The following ROS1 variants were observed in gnomAD, a reference collection of about 807,000 sequenced individuals.
ROS1 encodes proto-oncogene tyrosine-protein kinase ROS.
ROS1 carries 263 observed loss-of-function variants against 273.5 expected under a neutral mutation model. The observed-to-expected ratio is 0.96, with a 90% CI of 0.87 to 1.06. The LOEUF (loss-of-function observed/expected upper bound fraction) is 1.06, where lower values mean the gene tolerates loss of function less well. ROS1 is among the 50% of genes least tolerant of loss of function. The probability of loss-of-function intolerance (pLI) is 0.00; values close to 1 mark genes in which losing one functional copy is unlikely to be tolerated. For synonymous variants in ROS1, 1,008 were observed against 954.1 expected (o/e 1.06, Z -1.04); for missense variants, 2,833 against 2,751.1 (o/e 1.03, Z -0.67).
At chr6:117,366,972 T>C (rs2128663945) in intron 18 of ROS1, among the ~76,000 whole-genome samples, 1 of 152,360 alleles carries the variant, frequency 6.6e-6, no homozygotes, top group East Asian at 1.9e-4. Context: ...TGGTTTATTC[T>C]ATGTGCTCCT....
chr6:117,388,148 G>A, intron 13 of ROS1, 156 bp from the exon 14 acceptor site: 6 of 1,169,426 alleles, frequency 5.1e-6, no homozygotes, highest in Non-Finnish European at 7.3e-6. Flanking sequence ...ATCATTTGTT[G>A]ATGAGGCTAG....
rs946087445 is a variant in ROS1, at chr6:117,366,382, A to G, written c.2583-92T>C. On this transcript the variant is annotated intron_variant, in intron 18 of 43. Transcript: ENST00000368507. The stretch of plus-strand genomic sequence containing the variant: ...GTCATGAGAATATATGTTTGTGAGT[A>G]TCTGTACGCATTTGTGTACATTAAA... The G allele has an allele frequency of 8.5e-6, 7 of 824,856 alleles. No homozygotes were observed. The African/African-American group carries it at 1.0e-4, about 12-fold the overall frequency. 51.1% of individuals were successfully genotyped at this position (824,856 alleles called of 1,614,324 possible).
At position 117,387,832 on chromosome 6, in the gene ROS1, T is replaced by G. The variant is rs1014338122; in HGVS notation, c.1947A>C (p.Pro649=). ...KYKVSVRASS[P]KRPGPWSEPS... Reference sequence around the variant, plus strand: ...GCTCTGACCAGGGGCCTGGCCTCTTTGGAGAACTTGCTCTCACAGAAACCT... The same window carrying G: ...GCTCTGACCAGGGGCCTGGCCTCTTGGGAGAACTTGCTCTCACAGAAACCT... The change falls in exon 14 of 44, where the codon CCA becomes CCC. Residue 649 remains proline, a synonymous_variant. Transcript: ENST00000368507. 1.9e-6 allele frequency: 3 copies of G among 1,614,030 alleles called. No individual in the cohort carries two copies. In the Admixed American group the frequency reaches 5.0e-5, roughly 27 times the overall value.
rs543217541 is a variant in ROS1, at chr6:117,416,507, A to C, written c.169-190T>G. On this transcript the variant is annotated intron_variant, in intron 2 of 43. Transcript: ENST00000368507. The stretch of plus-strand genomic sequence containing the variant: ...AAACAGAGCTGTCCTATCTACAGGT[A>C]GAACAAGTCTTGTGGCTCACTGCAG... Among the ~76,000 whole-genome samples the C allele has an allele frequency of 1.6e-3, 240 of 152,340 alleles. 1 individual carries two copies. Among genetic ancestry groups the C allele is most frequent in the African/African-American group, 5.5e-3 (229 of 41,598 alleles).
intron 1 of ROS1, among the ~76,000 whole-genome samples, chr6:117,419,605 T>C (rs999668716): frequency 1.3e-5 from 2 of 152,234 alleles, no homozygotes; most frequent in Admixed American, 1.3e-4. Flanking sequence ...TGTGTTTTCA[T>C]GATTTTGTTC....
Position 117,341,541 on chromosome 6 carries a change from A to C in ROS1, c.4743T>G (p.Pro1581=). ...CCAACTGATAACGGACTGATTCTTT[A>C]GGTCCATTTGGCTTGTGAGATTCTC... ...SWRESHKPNG[P]KESVRYQLAI... The change falls in exon 30 of 44, where the codon CCT becomes CCG. Residue 1581 remains proline (P), a synonymous_variant. Coordinates refer to ENST00000368507, the MANE Select transcript of ROS1 (RefSeq NM_001378902.1). The C allele has an allele frequency of 6.2e-7, 1 of 1,613,728 alleles. No individual in the cohort carries two copies. Among genetic ancestry groups the C allele is most frequent in the Non-Finnish European group, 8.5e-7 (1 of 1,179,714 alleles).
chr6:117,288,440 A>G lies in ROS1; in HGVS notation c.*52T>C, dbSNP rs765482012. 3 of 1,427,204 alleles carry G rather than the reference A, an allele frequency of 2.1e-6. No individual in the cohort carries two copies. Among genetic ancestry groups the G allele is most frequent in the Non-Finnish European group, 2.9e-6 (3 of 1,043,676 alleles). The allele number at this position is 1,427,204 out of a possible 1,614,324, so 88.4% of individuals were successfully genotyped here. A position where few individuals can be genotyped will look rare whatever the true frequency, so the allele number is the denominator to read the frequency against. On this transcript the variant is annotated 3_prime_UTR_variant, in exon 44 of 44. Transcript: ENST00000368507. ...CATTCTAGCAGAGTTTTCTTTCAGT[A>G]ACTACTGAATGAGAGTGTTTATCTC...
intron 13 of ROS1, among the ~76,000 whole-genome samples, chr6:117,388,920 G>A (rs969034010): frequency 6.6e-6 from 1 of 152,182 alleles, no homozygotes; most frequent in Non-Finnish European, 1.5e-5. Context: ...CGTGCAGGCT[G>A]ACTCCAGAGC....
In ROS1 at chr6:117,301,078, C is replaced by G. The variant is rs148104006; in HGVS notation, c.6611G>C (p.Arg2204Thr). The change falls in exon 43 of 44, where the codon AGA becomes ACA. Residue 2204 changes from arginine to threonine, a missense_variant. Transcript: ENST00000368507. ...GAATAACTGAAGTTGGTCCTGAATT[C>G]TATGAAAAGTAGGTCTTTGGTCGGG... ...QEPDQRPTFH[R>T]IQDQLQLFRN... The G allele has an allele frequency of 2.3e-4, 369 of 1,604,242 alleles. 1 individual carries two copies. In the African/African-American group the frequency reaches 4.4e-3, roughly 19 times the overall value.
At chr6:117,374,671 CAGAGT>C (rs1781166514) in intron 18 of ROS1, among the ~76,000 whole-genome samples, 2 of 152,204 alleles carry the variant, frequency 1.3e-5, no homozygotes, top group African/African-American at 4.8e-5. Flanking sequence ...AAATAATCAG[CAGAGT>C]AAACAGACAA....
chr6:117,405,624 A>G (rs925870890), intron 5 of ROS1, among the ~76,000 whole-genome samples: 6 of 152,214 alleles, frequency 3.9e-5, no homozygotes, highest in African/African-American at 1.4e-4. Context: ...TGTAAATATC[A>G]TAGCTAAACA....
intron 32 of ROS1, among the ~76,000 whole-genome samples, chr6:117,336,725 T>C (rs1777507556): frequency 6.6e-6 from 1 of 152,168 alleles, no homozygotes; most frequent in South Asian, 2.1e-4. Flanking sequence ...GTATTTTTGG[T>C]TCTAGATCTT....
At chr6:117,359,104 A>G (rs1255562720) in intron 24 of ROS1, among the ~76,000 whole-genome samples, 2 of 151,880 alleles carry the variant, frequency 1.3e-5, no homozygotes, top group African/African-American at 4.8e-5. Context: ...CAAACACTCT[A>G]TGGCTCTTTG....
chr6:117,407,964 A>G (rs1022300572), intron 5 of ROS1, among the ~76,000 whole-genome samples: 87 of 152,348 alleles, frequency 5.7e-4, no homozygotes, highest in Non-Finnish European at 1.0e-3. Flanking sequence ...AAATGGGGAA[A>G]GGATTCCCTA....
Position 117,310,161 on chromosome 6 carries a change from T to G in ROS1, c.6336A>C (p.Arg2112Ser). The change falls in exon 41 of 44, where the codon AGA (arginine) becomes AGC (serine). Residue 2112 changes from arginine to serine, a missense_variant. Transcript: ENST00000368507. The part of the protein sequence containing the change: ...DIYKNDYYRK[R>S]GEGLLPVRWM... Reference sequence around the variant, plus strand: ...ACCGAACTGGGAGCAGGCCTTCCCCTCTCTTTCTATAGTAATCATTTTTAT... The same window carrying G: ...ACCGAACTGGGAGCAGGCCTTCCCCGCTCTTTCTATAGTAATCATTTTTAT... 6.2e-7 allele frequency: 1 copy of G among 1,613,448 alleles called. No individual in the cohort carries two copies. The highest frequency in any genetic ancestry group is 1.1e-5 in the South Asian group (1 of 91,074).
chr6:117,372,773 A>G (rs1359383993), intron 18 of ROS1, among the ~76,000 whole-genome samples: 3 of 152,210 alleles, frequency 2.0e-5, no homozygotes, highest in Non-Finnish European at 4.4e-5. Flanking sequence ...TGTGGAGCCA[A>G]AAAGTAAGCA....
intron 26 of ROS1, among the ~76,000 whole-genome samples, chr6:117,355,143 A>G (rs1779201647): frequency 6.6e-6 from 1 of 152,198 alleles, no homozygotes; most frequent in African/African-American, 2.4e-5. Context: ...GAACTCAGCA[A>G]GGATGGACAC....
intron 18 of ROS1, among the ~76,000 whole-genome samples, chr6:117,373,659 C>T (rs777278353): frequency 6.6e-6 from 1 of 152,206 alleles, no homozygotes; most frequent in Non-Finnish European, 1.5e-5. Flanking sequence ...TTCCCACCTG[C>T]GTCTCTCCCT....
At chr6:117,386,865 G>A (rs1562347606) in intron 15 of ROS1, 24 bp downstream of exon 15, 1 of 1,189,836 alleles carries the variant, frequency 8.4e-7, no homozygotes, top group South Asian at 1.3e-5. Flanking sequence ...TGTCATTCAA[G>A]TGAACAGAGG....
Sources: gnomAD v4.1 joint callset for allele counts (sites outside exome capture counted in the v4.1 genomes callset) on GRCh38, gnomAD v4.1.1 for gene constraint, MANE v1.5 for transcripts, NCBI Gene and HGNC (gene_info 2026-07-23, HGNC 2026-07-21) for gene names.